The following PARD3B variants were observed in gnomAD, a reference collection of about 807,000 sequenced individuals.
The protein encoded by PARD3B is par-3 family cell polarity regulator beta, also known as partitioning defective 3 homolog B.
In PARD3B, 103 loss-of-function variants were observed where a neutral mutation model predicts 130.2. The observed-to-expected ratio is 0.79, with a 90% CI of 0.67 to 0.93. The LOEUF is 0.93. PARD3B is among the 40% of genes least tolerant of loss of function. The pLI is 0.00. For synonymous variants in PARD3B, 583 were observed against 553.2 expected (o/e 1.05, Z -0.76); for missense variants, 1,609 against 1,499.2 (o/e 1.07, Z -1.21).
Position 205,301,492 on chromosome 2 carries a change from T to C in PARD3B, c.2421T>C (p.Ser807=). 2 of 1,612,794 alleles carry C rather than the reference T, an allele frequency of 1.2e-6. No homozygotes were observed. The highest frequency in any genetic ancestry group is 2.2e-5 in the East Asian group (1 of 44,866). The change falls in exon 18 of 23, where the codon TCT becomes TCC. Residue 807 remains serine, a synonymous_variant. Transcript: ENST00000406610. This position sits in a 1 kb window ranked among gnomAD's most constrained non-coding sequence, Gnocchi z 5.2. ...ADGLSDKSSH[S]GQGALNCESA... Reference sequence around the variant, plus strand: ...GTCTGTCTGATAAGAGCTCTCACTCTGGCCAAGGAGCTCTGAATTGTGAGT... The same window carrying C: ...GTCTGTCTGATAAGAGCTCTCACTCCGGCCAAGGAGCTCTGAATTGTGAGT...
chr2:204,713,062 G>A (rs1351001780), intron 2 of PARD3B, among the ~76,000 whole-genome samples: 3 of 152,070 alleles, frequency 2.0e-5, no homozygotes, highest in African/African-American at 7.2e-5. Flanking sequence ...TAATGTGACT[G>A]TATTTGAACT....
intron 18 of PARD3B, among the ~76,000 whole-genome samples, chr2:205,343,244 A>G (rs779611774): frequency 8.5e-5 from 13 of 152,222 alleles, no homozygotes; most frequent in Admixed American, 2.0e-4. Flanking sequence ...ATTGCCCTCA[A>G]TGAATCAGCT....
At chr2:205,082,741 T>C (rs1416134596) in intron 4 of PARD3B, among the ~76,000 whole-genome samples, 1 of 152,146 alleles carries the variant, frequency 6.6e-6, no homozygotes, top group Non-Finnish European at 1.5e-5. Flanking sequence ...CTTTAGTTTT[T>C]TCAAGTGGAA....
intron 22 of PARD3B, among the ~76,000 whole-genome samples, chr2:205,583,233 G>T (rs1299211402): frequency 6.6e-6 from 1 of 152,214 alleles, no homozygotes; most frequent in African/African-American, 2.4e-5. Context: ...AGTCTGCTAA[G>T]AATGGATGGG....
At chr2:205,138,581 T>A (rs1345339035) in intron 10 of PARD3B, among the ~76,000 whole-genome samples, 1 of 152,254 alleles carries the variant, frequency 6.6e-6, no homozygotes, top group Non-Finnish European at 1.5e-5. Flanking sequence ...GAATTTTTTT[T>A]ATCTGTAAAA....
chr2:204,772,910 T>C (rs79326525), intron 2 of PARD3B, among the ~76,000 whole-genome samples: 2,516 of 152,130 alleles, frequency 0.017, 29 homozygotes, highest in Middle Eastern at 0.058. Flanking sequence ...ATTTTAAAAT[T>C]AATCTGTTCC....
chr2:205,404,866 A>G (rs1425099482), intron 19 of PARD3B, among the ~76,000 whole-genome samples: 1 of 152,152 alleles, frequency 6.6e-6, no homozygotes, highest in Non-Finnish European at 1.5e-5. Flanking sequence ...TCCAGGTACA[A>G]ATGTCTTTAT....
chr2:205,386,080 G>A (rs61665423), intron 18 of PARD3B, among the ~76,000 whole-genome samples: 4,563 of 152,080 alleles, frequency 0.03, 201 homozygotes, highest in African/African-American at 0.099. Context: ...TTCTTTTAGA[G>A]CTCTAGATCT....
At chr2:205,123,032 T>A (rs2030937226) in intron 8 of PARD3B, among the ~76,000 whole-genome samples, 1 of 152,210 alleles carries the variant, frequency 6.6e-6, no homozygotes, top group Non-Finnish European at 1.5e-5. Context: ...ACCTTAAAAA[T>A]TTATTACAAA....
chr2:205,467,059 A>C (rs1038221786), intron 20 of PARD3B, among the ~76,000 whole-genome samples: 1 of 152,244 alleles, frequency 6.6e-6, no homozygotes, highest in Non-Finnish European at 1.5e-5. Context: ...AATGTCTCTG[A>C]TAAAGTATAT....
At chr2:204,575,691 C>T (rs2032221971) in intron 1 of PARD3B, among the ~76,000 whole-genome samples, 1 of 152,226 alleles carries the variant, frequency 6.6e-6, no homozygotes, top group Non-Finnish European at 1.5e-5. Context: ...AGTGCTGAGA[C>T]AGCTGGAGCT....
chr2:205,247,337 T>A (rs1462329169), intron 16 of PARD3B, among the ~76,000 whole-genome samples: 1 of 152,334 alleles, frequency 6.6e-6, no homozygotes, highest in Middle Eastern at 3.4e-3. Flanking sequence ...TAACATTTTA[T>A]GTAAATTTCA....
intron 18 of PARD3B, among the ~76,000 whole-genome samples, chr2:205,360,186 A>C (rs2044337751): frequency 1.3e-5 from 2 of 152,122 alleles, no homozygotes; most frequent in Admixed American, 6.5e-5. Flanking sequence ...TATGGTTGTT[A>C]ATTCTTATAG....
At chr2:204,553,560 G>GTA (rs1241881286) in intron 1 of PARD3B, among the ~76,000 whole-genome samples, 241 of 66,142 alleles carry the variant, frequency 3.6e-3, no homozygotes, top group African/African-American at 9.2e-3. Context: ...GTGTGTGTGT[G>GTA]TATATATATA....
At chr2:205,120,848 C>A (rs944240764) in intron 7 of PARD3B, among the ~76,000 whole-genome samples, 1 of 152,198 alleles carries the variant, frequency 6.6e-6, no homozygotes, top group Non-Finnish European at 1.5e-5. Context: ...TTTATATCTT[C>A]TGGGCAAGAA....
At chr2:205,605,227 C>T (rs2054940298) in intron 22 of PARD3B, among the ~76,000 whole-genome samples, 1 of 152,214 alleles carries the variant, frequency 6.6e-6, no homozygotes, top group Non-Finnish European at 1.5e-5. Flanking sequence ...CCATCCCAGC[C>T]TCTGCCCAGT....
At chr2:205,376,869 G>A (rs1264810794) in intron 18 of PARD3B, among the ~76,000 whole-genome samples, 6 of 152,136 alleles carry the variant, frequency 3.9e-5, no homozygotes, top group Admixed American at 2.6e-4. Context: ...AAAGTACATG[G>A]GTAGATGGCT....
intron 5 of PARD3B, among the ~76,000 whole-genome samples, chr2:205,106,483 G>A (rs1264983647): frequency 4.9e-3 from 2 of 410 alleles, no homozygotes; most frequent in African/African-American, 6.3e-3. Context: ...AGAAATGTAT[G>A]TGTGTGTGTG....
At chr2:204,681,567 T>G (rs527802996) in intron 1 of PARD3B, among the ~76,000 whole-genome samples, 45 of 152,306 alleles carry the variant, frequency 3.0e-4, no homozygotes, top group African/African-American at 7.5e-4. Flanking sequence ...AAACTGTATA[T>G]TCATCACTGC....
Sources: allele counts gnomAD v4.1 joint callset (sites outside exome capture counted in the v4.1 genomes callset), GRCh38; gene constraint gnomAD v4.1.1; non-coding constraint Gnocchi (gnomAD v3.1); transcripts MANE v1.5; gene names NCBI Gene and HGNC (gene_info 2026-07-23, HGNC 2026-07-21).